VANGL1: variants seen among roughly 807,000 people sequenced by gnomAD.
The protein encoded by VANGL1 is VANGL planar cell polarity protein 1.
VANGL1 carries 18 observed loss-of-function variants against 48.4 expected under a neutral mutation model. The ratio of observed to expected loss-of-function variants is 0.37; its 90% confidence interval spans 0.26 to 0.55. The LOEUF (loss-of-function observed/expected upper bound fraction) is 0.55. Among genes scored for constraint, VANGL1 ranks in the 20% least tolerant of loss-of-function variants. The probability of loss-of-function intolerance (pLI) is 0.81; values close to 1 mark genes in which losing one functional copy is unlikely to be tolerated. For synonymous variants in VANGL1, 257 were observed against 261.8 expected, an observed-to-expected ratio of 0.98 and a Z score of 0.18; for missense variants, 667 against 675.8, an observed-to-expected ratio of 0.99 and a Z score of 0.14.
In VANGL1 at chr1:115,651,435, T is replaced by C. The variant is rs1652142217; in HGVS notation, c.22T>C (p.Ser8Pro). The C allele has an allele frequency of 6.2e-7, 1 of 1,614,070 alleles. No individual in the cohort carries two copies. The highest frequency in any genetic ancestry group is 1.1e-5 in the South Asian group (1 of 91,078). ...TGCTATGGATACCGAATCCACTTATTCTGGATATTCTTACTATTCAAGTCA... is the reference window on the plus strand; with the variant it reads ...TGCTATGGATACCGAATCCACTTATCCTGGATATTCTTACTATTCAAGTCA... MDTESTY[S>P]GYSYYSSHSK... The change falls in exon 2 of 8, where the codon TCT becomes CCT. Residue 8 changes from serine (S) to proline (P), a missense_variant. Coordinates refer to ENST00000355485, the MANE Select transcript of VANGL1 (RefSeq NM_138959.3).
intron 4 of VANGL1, among the ~76,000 whole-genome samples, chr1:115,676,403 G>C (rs1653167309): frequency 6.6e-6 from 1 of 152,224 alleles, no homozygotes; most frequent in African/African-American, 2.4e-5. Context: ...TCCCATGGCA[G>C]TACCCTCATG....
intron 6 of VANGL1, among the ~76,000 whole-genome samples, chr1:115,684,374 G>A (rs1570772642): frequency 6.6e-6 from 1 of 152,038 alleles, no homozygotes. Flanking sequence ...TCCTGACCTC[G>A]AGTGATGTGC....
At chr1:115,686,409 G>A (rs1037505288) in intron 7 of VANGL1, among the ~76,000 whole-genome samples, 3 of 151,166 alleles carry the variant, frequency 2.0e-5, no homozygotes, top group Non-Finnish European at 2.9e-5. Flanking sequence ...GGCATTTTGG[G>A]TGTTACAGAA....
In VANGL1 at chr1:115,685,565, G is replaced by T. The variant is rs760685235; in HGVS notation, c.1314+38G>T. 8 of 1,604,384 alleles carry T rather than the reference G, an allele frequency of 5.0e-6. No individual in the cohort carries two copies. The African/African-American group carries it at 6.7e-5, about 13-fold the overall frequency. ...GGGCGGGCTCTGCCACCGTCATCCT[G>T]GCTTGTCACTGAGCTTGGCCAGTTG... On this transcript the variant is annotated intron_variant, in intron 7 of 7. Coordinates refer to ENST00000355485, the MANE Select transcript of VANGL1 (RefSeq NM_138959.3).
intron 2 of VANGL1, 82 bp from the exon 3 acceptor site, chr1:115,659,559 T>A: frequency 2.0e-6 from 3 of 1,489,474 alleles, no homozygotes; most frequent in Non-Finnish European, 2.8e-6. Flanking sequence ...TTTCCCTAAA[T>A]TCAAAATGAT....
At chr1:115,670,439 T>C (rs561625908) in intron 4 of VANGL1, among the ~76,000 whole-genome samples, 1 of 152,332 alleles carries the variant, frequency 6.6e-6, no homozygotes, top group South Asian at 2.1e-4. Flanking sequence ...CTTGCTTCTC[T>C]GGATTGCACT....
At chr1:115,680,373 C>T (rs969759154) in intron 4 of VANGL1, among the ~76,000 whole-genome samples, 3 of 152,168 alleles carry the variant, frequency 2.0e-5, no homozygotes, top group African/African-American at 7.2e-5. Context: ...CAGGTACCAG[C>T]TAAGGTCTAT....
intron 3 of VANGL1, among the ~76,000 whole-genome samples, chr1:115,661,420 A>G (rs958648061): frequency 1.4e-4 from 21 of 152,116 alleles, no homozygotes; most frequent in Non-Finnish European, 2.5e-4. Context: ...TGAATTTAGT[A>G]TAATTAGAAT....
chr1:115,686,215 G>A (rs966469440), intron 7 of VANGL1, among the ~76,000 whole-genome samples: 1 of 151,998 alleles, frequency 6.6e-6, no homozygotes. Context: ...TTCATGTGAA[G>A]TGCTTGAAAC....
At chr1:115,690,887 G>T (rs1210051959) in intron 7 of VANGL1, among the ~76,000 whole-genome samples, 1 of 152,166 alleles carries the variant, frequency 6.6e-6, no homozygotes, top group East Asian at 1.9e-4. Flanking sequence ...CTATTCTTGC[G>T]CTTGGTGGAT....
At chr1:115,687,675 A>G (rs1436029006) in intron 7 of VANGL1, among the ~76,000 whole-genome samples, 1 of 132,386 alleles carries the variant, frequency 7.6e-6, no homozygotes, top group Non-Finnish European at 1.6e-5. Context: ...GGAAAACAAA[A>G]CAGAAATTGG....
rs148451859 is a variant in VANGL1, at chr1:115,696,659, C to A, written c.*5280C>A. ...TCTATAAGTCCCGTTTTCCCAGGTC[C>A]TGTTCCGTTTCTACGTAGATAACCC... is the stretch of plus-strand genomic sequence containing the variant. On this transcript the variant is annotated 3_prime_UTR_variant, in exon 8 of 8. Transcript: ENST00000355485. The A allele has an allele frequency of 9.2e-5, 14 of 152,196 alleles. No homozygotes were observed. The highest frequency in any genetic ancestry group is 1.9e-4 in the Non-Finnish European group (13 of 68,044). 9.4% of individuals were successfully genotyped at this position (152,196 alleles called of 1,614,324 possible).
chr1:115,643,232 A>C (rs1179588022), intron 1 of VANGL1, among the ~76,000 whole-genome samples: 1 of 152,204 alleles, frequency 6.6e-6, no homozygotes, highest in Non-Finnish European at 1.5e-5. Context: ...ATGTTTATAA[A>C]TTTTACGGGG....
intron 4 of VANGL1, among the ~76,000 whole-genome samples, chr1:115,673,229 C>T (rs1054559864): frequency 6.6e-6 from 1 of 152,190 alleles, no homozygotes; most frequent in African/African-American, 2.4e-5. Context: ...TCCTCCCGTT[C>T]TCTCACGTTT....
intron 4 of VANGL1, among the ~76,000 whole-genome samples, chr1:115,677,320 A>G (rs11590213): frequency 0.086 from 13,160 of 152,314 alleles, 621 homozygotes; most frequent in African/African-American, 0.12. Flanking sequence ...ACAACACTGG[A>G]AGTGCTTTCG....
chr1:115,666,766 G>T (rs1263434826), intron 4 of VANGL1, among the ~76,000 whole-genome samples: 1 of 152,160 alleles, frequency 6.6e-6, no homozygotes, highest in Non-Finnish European at 1.5e-5. Flanking sequence ...GAGAGCCTGA[G>T]TTAGGAGGTG....
In VANGL1 at chr1:115,682,391, A is replaced by G. The variant is rs1172202444; in HGVS notation, c.840A>G (p.Leu280=). 6.2e-7 allele frequency: 1 copy of G among 1,614,176 alleles called. No homozygotes were observed. The highest frequency in any genetic ancestry group is 8.5e-7 in the Non-Finnish European group (1 of 1,180,034). Residue 280 remains leucine (L), a synonymous_variant, in exon 5 of 8, where the codon CTA becomes CTG. Coordinates refer to ENST00000355485, the MANE Select transcript of VANGL1 (RefSeq NM_138959.3). The part of the protein sequence containing the change: ...LSIQRAALVV[L]ENYYKDFTIY... Reference sequence around the variant, plus strand: ...TCCAGCGAGCAGCATTGGTGGTCCTAGAAAATTACTACAAAGATTTCACCA... The same window carrying G: ...TCCAGCGAGCAGCATTGGTGGTCCTGGAAAATTACTACAAAGATTTCACCA...
intron 3 of VANGL1, among the ~76,000 whole-genome samples, chr1:115,662,785 GA>G (rs1652610720): frequency 7.0e-6 from 1 of 142,434 alleles, no homozygotes; most frequent in Admixed American, 7.0e-5. Context: ...ATCATAAGGA[GA>G]TTTTTTTTTT....
chr1:115,662,598 AAT>A (rs1314395592), intron 3 of VANGL1, among the ~76,000 whole-genome samples: 1 of 152,182 alleles, frequency 6.6e-6, no homozygotes, highest in African/African-American at 2.4e-5. Flanking sequence ...ATAACATTTT[AAT>A]AATCCTGGTT....
Sources: allele counts gnomAD v4.1 joint callset (sites outside exome capture counted in the v4.1 genomes callset), GRCh38; gene constraint gnomAD v4.1.1; transcripts MANE v1.5; gene names NCBI Gene and HGNC (gene_info 2026-07-23, HGNC 2026-07-21).